Variants in GSDMC observed in about 807,000 individuals in gnomAD.
GSDMC encodes the protein gasdermin C, also known as gasdermin-C.
Under a neutral mutation model 58.0 loss-of-function variants are expected in GSDMC, and 59 were observed. The observed-to-expected ratio is 1.02, with a 90% CI of 0.82 to 1.26. GSDMC has a LOEUF of 1.26. GSDMC is among the 50% of genes most tolerant of loss of function. GSDMC has a pLI of 0.00. For missense variants in GSDMC, 659 were observed against 598.5 expected (o/e 1.10, Z -1.06); for synonymous variants, 241 against 220.2 (o/e 1.09, Z -0.83).
At chr8:129,785,412 G>T (rs1318147826) in intron 1 of GSDMC, among the ~76,000 whole-genome samples, 1 of 146,848 alleles carries the variant, frequency 6.8e-6, no homozygotes, top group Non-Finnish European at 1.5e-5. Context: ...GGGTGGGAGG[G>T]AGGTGGGGAT....
chr8:129,754,197 C>A, intron 6 of GSDMC, among the ~76,000 whole-genome samples: 1 of 152,194 alleles, frequency 6.6e-6, no homozygotes, highest in East Asian at 1.9e-4. Flanking sequence ...TTGGGTGAGA[C>A]CCAGTGCTGT....
At chr8:129,708,595 G>A in the GSDMC span, among the ~76,000 whole-genome samples, 1 of 152,230 alleles carries the variant, frequency 6.6e-6, no homozygotes, top group African/African-American at 2.4e-5. Context: ...CCATAGAAGG[G>A]CCATCTTTCA....
intron 8 of GSDMC, 41 bp from the exon 9 acceptor site, chr8:129,751,932 G>C (rs1335988294): frequency 6.3e-7 from 1 of 1,592,402 alleles, no homozygotes; most frequent in African/African-American, 1.3e-5. Flanking sequence ...GAGGCTCAAA[G>C]ACTAGATTTC....
chr8:129,730,766 G>A, the GSDMC span, among the ~76,000 whole-genome samples: 5 of 152,072 alleles, frequency 3.3e-5, no homozygotes, highest in African/African-American at 7.2e-5. Context: ...CAACTTTACC[G>A]TGGTGTGAAA....
the GSDMC span, among the ~76,000 whole-genome samples, chr8:129,714,430 C>A: frequency 1.3e-5 from 2 of 152,236 alleles, no homozygotes; most frequent in South Asian, 2.1e-4. Flanking sequence ...CAGTGTTTCT[C>A]AAAGGGAACT....
intron 11 of GSDMC, 148 bp from the exon 12 acceptor site, chr8:129,750,267 CG>C: frequency 9.9e-7 from 1 of 1,007,174 alleles, no homozygotes; most frequent in South Asian, 1.7e-5. Context: ...GTAGTGGGGG[CG>C]ACACTTCCCT....
At chr8:129,718,236 C>A in the GSDMC span, among the ~76,000 whole-genome samples, 1 of 152,102 alleles carries the variant, frequency 6.6e-6, no homozygotes, top group African/African-American at 2.4e-5. Flanking sequence ...AGTAAACAGG[C>A]AACCTACCAA....
chr8:129,768,843 A>AC (rs1388389266), intron 3 of GSDMC, among the ~76,000 whole-genome samples: 1 of 152,174 alleles, frequency 6.6e-6, no homozygotes, highest in Non-Finnish European at 1.5e-5. Context: ...ACTTTGGGAG[A>AC]CCAAGGTTGG....
In GSDMC at chr8:129,748,565, G is replaced by T; in HGVS notation, c.1463C>A (p.Ala488Glu). 1.9e-6 allele frequency: 3 copies of T among 1,613,826 alleles called. No individual in the cohort carries two copies. The South Asian group carries it at 3.3e-5, about 18-fold the overall frequency. ...DNPRSTWDVE[A>E]KMPLSALYGT... ...ATAGAGGGCAGACAGGGGCATCTTT[G>T]CTTCTACATCCCAGGTTGACCTGGG... is the stretch of plus-strand genomic sequence containing the variant. The change falls in exon 14 of 14, where the codon GCA becomes GAA. Residue 488 changes from alanine to glutamate, a missense_variant. Coordinates refer to ENST00000276708, the MANE Select transcript of GSDMC (RefSeq NM_031415.3).
At chr8:129,743,786 T>A (rs2032911955), downstream of GSDMC, among the ~76,000 whole-genome samples, 1 of 152,200 alleles carries the variant, frequency 6.6e-6, no homozygotes, top group Admixed American at 6.6e-5. Flanking sequence ...TTATACAGCC[T>A]CCACTCTACA....
chr8:129,776,806 G>A lies in GSDMC; in HGVS notation c.221-521C>T, dbSNP rs1257686667. On this transcript the variant is annotated intron_variant, in intron 2 of 13. Transcript: ENST00000276708. ...GAGACAGTCTCACTCTGTCATCCAG[G>A]CTGGAGTGCATTGGTGCAATCCCAG... Among the ~76,000 whole-genome samples the A allele has an allele frequency of 6.6e-5, 10 of 152,214 alleles. No individual in the cohort carries two copies. The East Asian group carries it at 1.7e-3, about 26-fold the overall frequency.
chr8:129,750,580 G>A lies in GSDMC; in HGVS notation c.944-10C>T. The A allele has an allele frequency of 6.2e-7, 1 of 1,613,074 alleles. No individual in the cohort carries two copies. The highest frequency in any genetic ancestry group is 2.2e-5 in the East Asian group (1 of 44,882). On this transcript the variant is annotated splice_polypyrimidine_tract_variant and intron_variant, in intron 10 of 13. Coordinates refer to ENST00000276708, the MANE Select transcript of GSDMC (RefSeq NM_031415.3). ...TGTAGATGCTTGAAATCTGCTCTCA[G>A]GCATCAACGCCGACCAGAAAGTGGG...
chr8:129,737,196 G>A, the GSDMC span, among the ~76,000 whole-genome samples: 835 of 152,242 alleles, frequency 5.5e-3, 6 homozygotes, highest in Non-Finnish European at 9.9e-3. Context: ...AATCAATAGC[G>A]TGAAAATGGC....
In GSDMC at chr8:129,748,249, C is replaced by T. The variant is rs911358954; in HGVS notation, c.*252G>A. On this transcript the variant is annotated 3_prime_UTR_variant, in exon 14 of 14. Coordinates refer to ENST00000276708, the MANE Select transcript of GSDMC (RefSeq NM_031415.3). ...GAAGTAAAATTTATACATAGTGAAA[C>T]GCTTACGTCTTTAACATACTATTTG... The T allele has an allele frequency of 8.3e-5, 26 of 311,734 alleles. No individual in the cohort carries two copies. The highest frequency in any genetic ancestry group is 1.7e-4 in the African/African-American group (8 of 46,714). The allele number at this position is 311,734 out of a possible 1,614,324, so 19.3% of individuals were successfully genotyped here.
At chr8:129,740,498 A>C in the GSDMC span, among the ~76,000 whole-genome samples, 6 of 152,198 alleles carry the variant, frequency 3.9e-5, no homozygotes, top group African/African-American at 1.4e-4. Context: ...TTAGTTACAC[A>C]AATTCTTATA....
At chr8:129,767,597 C>T (rs1372881641) in intron 3 of GSDMC, among the ~76,000 whole-genome samples, 1 of 152,142 alleles carries the variant, frequency 6.6e-6, no homozygotes, top group African/African-American at 2.4e-5. Context: ...TCATGGTGAC[C>T]CTGACTGACC....
rs2033200844 is a variant in GSDMC at position 129,751,751 on chromosome 8, G to A, written c.916+111C>T. The A allele has an allele frequency of 2.9e-5, 36 of 1,224,908 alleles. 1 individual carries two copies. In the South Asian group the frequency reaches 3.9e-4, roughly 13 times the overall value. The allele number at this position is 1,224,908 out of a possible 1,614,324, so 75.9% of individuals were successfully genotyped here. On this transcript the variant is annotated intron_variant, in intron 9 of 13. Transcript: ENST00000276708. ...CCCTTCCCATTCCACATGACCAAAC[G>A]CCAGGCCCTAGGGCGGTGGTGGCAA...
At chr8:129,751,951 T>C (rs998625270) in intron 8 of GSDMC, 60 bp from the exon 9 acceptor site, 5 of 1,547,314 alleles carry the variant, frequency 3.2e-6, no homozygotes, top group Non-Finnish European at 4.5e-6. Flanking sequence ...TCTCCAACCT[T>C]CTGCCCTTCT....
At chr8:129,733,230 G>A in the GSDMC span, among the ~76,000 whole-genome samples, 3 of 152,136 alleles carry the variant, frequency 2.0e-5, no homozygotes, top group Admixed American at 6.5e-5. Flanking sequence ...ACCTCTGGGG[G>A]CAGGGCATAG....
Sources: allele counts gnomAD v4.1 joint callset (sites outside exome capture counted in the v4.1 genomes callset), GRCh38; gene constraint gnomAD v4.1.1; transcripts MANE v1.5; gene names NCBI Gene and HGNC (gene_info 2026-07-23, HGNC 2026-07-21).